The following SLC4A5 variants were observed in gnomAD, a reference collection of about 807,000 sequenced individuals.
SLC4A5 encodes the protein electrogenic sodium bicarbonate cotransporter 4.
A neutral mutation model predicts 120.4 loss-of-function variants in SLC4A5; 96 were observed. The observed-to-expected ratio is 0.80, with a 90% CI of 0.68 to 0.94. SLC4A5 has a LOEUF of 0.94. SLC4A5 is among the 40% of genes least tolerant of loss of function. SLC4A5 has a pLI of 0.00. For missense variants in SLC4A5, 1,259 were observed against 1,459.5 expected (o/e 0.86, Z 2.24); for synonymous variants, 550 against 571.1 (o/e 0.96, Z 0.53).
At chr2:74,223,174 T>C (rs994343126) in intron 28 of SLC4A5, among the ~76,000 whole-genome samples, 1 of 151,958 alleles carries the variant, frequency 6.6e-6, no homozygotes, top group East Asian at 1.9e-4. Flanking sequence ...CTGGCTAATT[T>C]TTTGTATTTT....
chr2:74,263,000 G>A (rs1671190353), intron 10 of SLC4A5, among the ~76,000 whole-genome samples: 1 of 152,198 alleles, frequency 6.6e-6, no homozygotes, highest in Non-Finnish European at 1.5e-5. Flanking sequence ...TGCTGAGTAT[G>A]TATCTGTTGC....
At chr2:74,310,938 T>C (rs1178865217) in intron 6 of SLC4A5, among the ~76,000 whole-genome samples, 1 of 148,176 alleles carries the variant, frequency 6.7e-6, no homozygotes, top group African/African-American at 2.5e-5. Context: ...CTGTTGCTCT[T>C]TTTTTTTTTT....
intron 8 of SLC4A5, among the ~76,000 whole-genome samples, chr2:74,279,874 G>A (rs1032120777): frequency 5.3e-5 from 8 of 152,120 alleles, no homozygotes; most frequent in African/African-American, 1.4e-4. Context: ...ATCAAGTCTT[G>A]TCAATTGTAC....
intron 7 of SLC4A5, among the ~76,000 whole-genome samples, chr2:74,288,368 T>G (rs564236180): frequency 6.6e-6 from 1 of 152,130 alleles, no homozygotes; most frequent in South Asian, 2.1e-4. Context: ...CTCAGATCCC[T>G]CTTGTTATTT....
chr2:74,290,637 G>C (rs1018690464), intron 7 of SLC4A5: 7 of 982,262 alleles, frequency 7.1e-6, no homozygotes, highest in Non-Finnish European at 8.5e-6. Context: ...GAGAGAGAGA[G>C]AGAGAGAGAG....
At chr2:74,284,688 G>C (rs1027253812) in intron 8 of SLC4A5, among the ~76,000 whole-genome samples, 8 of 152,092 alleles carry the variant, frequency 5.3e-5, no homozygotes, top group Non-Finnish European at 1.0e-4. Flanking sequence ...GGGCACTGCT[G>C]AACAGTCCAG....
At position 74,284,167 on chromosome 2, in the gene SLC4A5, T is replaced by C. The variant is rs1438198044; in HGVS notation, c.401+1606A>G. 3.1e-5 allele frequency among the ~76,000 whole-genome samples: 2 copies of C among 65,006 alleles called. 1 individual carries two copies. Among genetic ancestry groups the C allele is most frequent in the East Asian group, 6.4e-3 (2 of 312 alleles). 42.6% of individuals were successfully genotyped at this position (65,006 alleles called of 152,430 possible). On this transcript the variant is annotated intron_variant, in intron 8 of 30. Coordinates refer to ENST00000394019, the Ensembl canonical transcript of SLC4A5. ...CTAGCCCTTATTCCTTATTTCTTTT[T>C]TTTTTTTTTTTTTTTTTTTTGAGAC...
chr2:74,296,393 A>C (rs768696671), intron 7 of SLC4A5, among the ~76,000 whole-genome samples: 2 of 151,630 alleles, frequency 1.3e-5, no homozygotes, highest in Non-Finnish European at 2.9e-5. Flanking sequence ...CCTCTTCACC[A>C]CTTCCTTCAA....
intron 5 of SLC4A5, among the ~76,000 whole-genome samples, chr2:74,321,641 G>A (rs776725092): frequency 2.0e-5 from 3 of 151,902 alleles, no homozygotes; most frequent in Non-Finnish European, 2.9e-5. Context: ...ATAATATTGA[G>A]TCTGTCAGTA....
At chr2:74,282,830 C>G (rs960479810) in intron 8 of SLC4A5, among the ~76,000 whole-genome samples, 1 of 152,188 alleles carries the variant, frequency 6.6e-6, no homozygotes, top group Non-Finnish European at 1.5e-5. Flanking sequence ...GGAGAAGGCA[C>G]CTTCCCCTTC....
intron 25 of SLC4A5, among the ~76,000 whole-genome samples, chr2:74,228,951 T>G (rs946279214): frequency 6.6e-6 from 1 of 152,080 alleles, no homozygotes; most frequent in African/African-American, 2.4e-5. Context: ...CCTTCTCTCT[T>G]TCACCTGCAG....
At chr2:74,219,278 C>G (rs150245706) in intron 30 of SLC4A5, among the ~76,000 whole-genome samples, 33 of 149,348 alleles carry the variant, frequency 2.2e-4, no homozygotes, top group African/African-American at 8.1e-4. Flanking sequence ...AATGCCTTTT[C>G]TTTTCTCTGC....
intron 3 of SLC4A5, among the ~76,000 whole-genome samples, chr2:74,335,770 T>G (rs1360864282): frequency 6.6e-6 from 1 of 152,228 alleles, no homozygotes; most frequent in Non-Finnish European, 1.5e-5. Flanking sequence ...TAAACTCGCC[T>G]AGAAATGCAT....
At chr2:74,241,361 G>T (rs1403349235) in intron 20 of SLC4A5, among the ~76,000 whole-genome samples, 1 of 151,254 alleles carries the variant, frequency 6.6e-6, no homozygotes, top group Non-Finnish European at 1.5e-5. Context: ...TGCCTCCTGG[G>T]TTCAAACAAT....
Position 74,234,179 on chromosome 2 carries a change from C to A in SLC4A5, c.2434-616G>T, listed in dbSNP as rs574902230. On this transcript the variant is annotated intron_variant, in intron 22 of 30. Coordinates refer to ENST00000394019, the Ensembl canonical transcript of SLC4A5. Reference sequence around the variant, plus strand: ...CTCTTTTTTTTTTCTTTCTTTCTTTCTTTTTTTTTTTGTTTTTGAGACAGA... The same window carrying A: ...CTCTTTTTTTTTTCTTTCTTTCTTTATTTTTTTTTTTGTTTTTGAGACAGA... 2.1e-5 allele frequency among the ~76,000 whole-genome samples: 3 copies of A among 142,126 alleles called. No individual in the cohort carries two copies. In the East Asian group the frequency reaches 6.1e-4, roughly 29 times the overall value. The allele number at this position is 142,126 out of a possible 152,430, so 93.2% of individuals were successfully genotyped here. A position where few individuals can be genotyped will look rare whatever the true frequency, so the allele number is the denominator to read the frequency against.
intron 8 of SLC4A5, among the ~76,000 whole-genome samples, chr2:74,270,469 C>A (rs1037442293): frequency 6.6e-6 from 1 of 152,106 alleles, no homozygotes; most frequent in Admixed American, 6.6e-5. Context: ...GTCAGGAGAT[C>A]GAGACCATCC....
intron 6 of SLC4A5, chr2:74,306,670 C>A: frequency 1.2e-5 from 8 of 678,870 alleles, no homozygotes; most frequent in East Asian, 5.0e-5. Flanking sequence ...TTTTTTTAAC[C>A]TCTGAACTTT....
At chr2:74,310,082 A>G (rs1672762074) in intron 6 of SLC4A5, among the ~76,000 whole-genome samples, 1 of 152,114 alleles carries the variant, frequency 6.6e-6, no homozygotes, top group Non-Finnish European at 1.5e-5. Flanking sequence ...CTAGTGTATC[A>G]TGTCTTAAAT....
At chr2:74,284,235 G>A (rs1406071984) in intron 8 of SLC4A5, among the ~76,000 whole-genome samples, 1 of 114,852 alleles carries the variant, frequency 8.7e-6, no homozygotes, top group African/African-American at 5.1e-5. Flanking sequence ...GGACTGCAGT[G>A]GCGCAATCTC....
Sources: allele counts gnomAD v4.1 joint callset (sites outside exome capture counted in the v4.1 genomes callset), GRCh38; gene constraint gnomAD v4.1.1; transcripts MANE v1.5; gene names NCBI Gene and HGNC (gene_info 2026-07-23, HGNC 2026-07-21).